Variants in UBE4B observed in about 807,000 individuals in gnomAD.
The protein encoded by UBE4B is ubiquitin conjugation factor E4 B.
UBE4B carries 27 observed loss-of-function variants against 148.1 expected under a neutral mutation model. That is an observed-to-expected ratio of 0.18 (90% CI 0.13 to 0.25). The LOEUF is 0.25. Ranked by LOEUF, UBE4B falls within the 10% of genes least tolerant of loss-of-function variation. UBE4B has a pLI of 1.00. For synonymous variants in UBE4B, 596 were observed against 619.3 expected (o/e 0.96, Z 0.56); for missense variants, 1,170 against 1,662.4 (o/e 0.70, Z 5.15).
At position 10,079,784 on chromosome 1, in the gene UBE4B, TTGGC is replaced by T. The variant is rs538158607; in HGVS notation, c.211+7573_211+7576del. On this transcript the variant is annotated intron_variant, in intron 2 of 27. Coordinates refer to ENST00000343090, the MANE Select transcript of UBE4B (RefSeq NM_001105562.3). ...CAGAAACAGAATTTGTTTCTTTTCT[TTGGC>T]TGCTAGTTTTTAACCTACTTAATGA... is the stretch of plus-strand genomic sequence containing the variant. Among the ~76,000 whole-genome samples the T allele has an allele frequency of 9.7e-4, 148 of 152,338 alleles. 1 individual carries two copies. Among genetic ancestry groups the T allele is most frequent in the African/African-American group, 3.5e-3 (144 of 41,582 alleles).
intron 21 of UBE4B, among the ~76,000 whole-genome samples, chr1:10,151,807 T>C (rs1645979772): frequency 6.6e-6 from 1 of 152,114 alleles, no homozygotes; most frequent in African/African-American, 2.4e-5. Context: ...GTCAGATGAT[T>C]GGCACCGAGA....
chr1:10,076,166 T>C (rs898270496), intron 2 of UBE4B, among the ~76,000 whole-genome samples: 3 of 152,186 alleles, frequency 2.0e-5, no homozygotes, highest in African/African-American at 7.2e-5. Flanking sequence ...TAGACATAGG[T>C]CTAATGGGTA....
chr1:10,073,583 G>A (rs966519884), intron 2 of UBE4B, among the ~76,000 whole-genome samples: 1 of 152,062 alleles, frequency 6.6e-6, no homozygotes, highest in Non-Finnish European at 1.5e-5. Context: ...AGCCGGGTGT[G>A]GTGCTACCTG....
intron 2 of UBE4B, among the ~76,000 whole-genome samples, chr1:10,082,993 C>G (rs757968019): frequency 6.6e-6 from 1 of 152,056 alleles, no homozygotes; most frequent in Non-Finnish European, 1.5e-5. Context: ...TGATCTCATT[C>G]TTTTTTACGG....
At chr1:10,079,541 A>G (rs1333276950) in intron 2 of UBE4B, among the ~76,000 whole-genome samples, 1 of 152,270 alleles carries the variant, frequency 6.6e-6, no homozygotes, top group African/African-American at 2.4e-5. Context: ...ATTTTTAAAG[A>G]TTGTAATACA....
chr1:10,092,608 A>C (rs1644866757), intron 2 of UBE4B, among the ~76,000 whole-genome samples: 1 of 151,836 alleles, frequency 6.6e-6, no homozygotes, highest in Admixed American at 6.6e-5. Flanking sequence ...CAGGTGAATC[A>C]CCTGAGGTCA....
chr1:10,084,281 T>G (rs778135549), intron 2 of UBE4B, among the ~76,000 whole-genome samples: 1 of 152,216 alleles, frequency 6.6e-6, no homozygotes, highest in Non-Finnish European at 1.5e-5. Flanking sequence ...GTAGGAGAGA[T>G]AATACATGTC....
In UBE4B at chr1:10,132,431, C is replaced by G. The variant is rs1335426450; in HGVS notation, c.1974C>G (p.Leu658=). The G allele has an allele frequency of 1.2e-6, 2 of 1,614,104 alleles. No individual in the cohort carries two copies. The highest frequency in any genetic ancestry group is 2.7e-5 in the African/African-American group (2 of 74,940). The change falls in exon 15 of 28, where the codon CTC becomes CTG. Residue 658 remains leucine, a synonymous_variant. Coordinates refer to ENST00000343090, the MANE Select transcript of UBE4B (RefSeq NM_001105562.3). ...LLNGETREAA[L]SYMAAVVNAN... is the part of the protein sequence containing the mutation. ...ATGGCGAAACCCGTGAGGCTGCTCT[C>G]AGTTACATGGCGGCTGTCGTCAATG...
intron 1 of UBE4B, among the ~76,000 whole-genome samples, chr1:10,047,901 A>AT (rs1643947579): frequency 6.6e-6 from 1 of 151,994 alleles, no homozygotes; most frequent in African/African-American, 2.4e-5. Flanking sequence ...GAGACAAGGT[A>AT]TTTTTTGTCA....
rs1644266499 is a variant in UBE4B at position 10,060,649 on chromosome 1, C to T, written c.25-11379C>T. Among the ~76,000 whole-genome samples the T allele has an allele frequency of 4.6e-5, 7 of 152,284 alleles. No individual in the cohort carries two copies. In the South Asian group the frequency reaches 1.5e-3, roughly 32 times the overall value. ...TGGGGTTCTAGTAGCCATTGAAGTA[C>T]TCCTAAGTGTGGTCATCAGAAAATA... On this transcript the variant is annotated intron_variant, in intron 1 of 27. Coordinates refer to ENST00000343090, the MANE Select transcript of UBE4B (RefSeq NM_001105562.3).
intron 8 of UBE4B, 65 bp downstream of exon 8, chr1:10,117,665 C>T: frequency 2.0e-6 from 3 of 1,481,136 alleles, no homozygotes; most frequent in Non-Finnish European, 2.7e-6. Context: ...ATCCCCACCC[C>T]TGGAGCATTC....
At chr1:10,073,731 A>T (rs1644528254) in intron 2 of UBE4B, among the ~76,000 whole-genome samples, 1 of 151,974 alleles carries the variant, frequency 6.6e-6, no homozygotes, top group African/African-American at 2.4e-5. Flanking sequence ...AAACAACAAC[A>T]ACAACAACAA....
chr1:10,177,707 A>G (rs1646448264), intron 25 of UBE4B, among the ~76,000 whole-genome samples: 1 of 151,922 alleles, frequency 6.6e-6, no homozygotes, highest in Non-Finnish European at 1.5e-5. Flanking sequence ...AACACTGGCC[A>G]CTTGTTTTGC....
intron 16 of UBE4B, among the ~76,000 whole-genome samples, chr1:10,136,063 G>T (rs2101954903): frequency 6.6e-6 from 1 of 152,238 alleles, no homozygotes. Context: ...CAGGGAAACG[G>T]CTCTGGAATC....
At position 10,147,088 on chromosome 1, in the gene UBE4B, C is replaced by T. The variant is rs558203077; in HGVS notation, c.2589C>T (p.Pro863=). ...TCCGCATCCTGGACCCCGCATATCC[C>T]GAGTGAGTGTGCTTCTTCCTGTTTC... ...LLLRILDPAY[P]DITLPLNSDV... is the part of the protein sequence containing the mutation. The change falls in exon 19 of 28, where the codon CCC becomes CCT. Residue 863 remains proline (P), a splice_region_variant and synonymous_variant. Coordinates refer to ENST00000343090, the MANE Select transcript of UBE4B (RefSeq NM_001105562.3). 1.1e-5 allele frequency: 18 copies of T among 1,614,160 alleles called. No individual in the cohort carries two copies. Among genetic ancestry groups the T allele is most frequent in the Middle Eastern group, 1.7e-4 (1 of 6,060 alleles).
chr1:10,154,856 A>AT (rs1306215629), intron 21 of UBE4B, among the ~76,000 whole-genome samples: 1 of 152,014 alleles, frequency 6.6e-6, no homozygotes, highest in Non-Finnish European at 1.5e-5. Context: ...AAAAAAAAAA[A>AT]GGAATGTAGG....
intron 26 of UBE4B, chr1:10,179,048 C>G (rs896143730): frequency 4.0e-6 from 2 of 503,042 alleles, no homozygotes; most frequent in Non-Finnish European, 6.7e-6. Flanking sequence ...CCTGAAGATT[C>G]TAAGGGCAGG....
chr1:10,175,695 T>A (rs1466310843), intron 25 of UBE4B, among the ~76,000 whole-genome samples: 7 of 151,776 alleles, frequency 4.6e-5, no homozygotes, highest in African/African-American at 1.7e-4. Context: ...ATAAAAAAAA[T>A]AAAAATCCCA....
intron 17 of UBE4B, 133 bp downstream of exon 17, chr1:10,137,338 C>T (rs1645704445): frequency 8.9e-7 from 1 of 1,127,844 alleles, no homozygotes; most frequent in South Asian, 1.5e-5. Flanking sequence ...TGTCTGCCTC[C>T]ACCGCCACAT....
Sources: gnomAD v4.1 joint callset for allele counts (sites outside exome capture counted in the v4.1 genomes callset) on GRCh38, gnomAD v4.1.1 for gene constraint, MANE v1.5 for transcripts, NCBI Gene and HGNC (gene_info 2026-07-23, HGNC 2026-07-21) for gene names.